Variants in SGK3 observed in about 807,000 individuals in gnomAD.
SGK3 encodes serum/glucocorticoid regulated kinase family member 3, also known as serine/threonine-protein kinase Sgk3.
Under a neutral mutation model 68.5 loss-of-function variants are expected in SGK3, and 47 were observed. The observed-to-expected ratio is 0.69, with a 90% CI of 0.54 to 0.87. The LOEUF (loss-of-function observed/expected upper bound fraction) is 0.87. SGK3 is among the 40% of genes least tolerant of loss of function. SGK3 has a pLI of 0.00. For synonymous variants in SGK3, 181 were observed against 189.1 expected, an observed-to-expected ratio of 0.96 and a Z score of 0.35; for missense variants, 479 against 575.5, an observed-to-expected ratio of 0.83 and a Z score of 1.72.
intron 3 of SGK3, among the ~76,000 whole-genome samples, chr8:66,801,561 T>C (rs1329750741): frequency 6.6e-6 from 1 of 152,136 alleles, no homozygotes; most frequent in African/African-American, 2.4e-5. Context: ...TAAATCCAAC[T>C]GTACCCACCA....
At chr8:66,724,405 G>A (rs1267158428) in intron 1 of SGK3, among the ~76,000 whole-genome samples, 7 of 152,102 alleles carry the variant, frequency 4.6e-5, no homozygotes, top group Non-Finnish European at 7.4e-5. Flanking sequence ...GTAAAACCTC[G>A]TCTCTACTAA....
Position 66,843,465 on chromosome 8 carries a change from A to T in SGK3, c.992A>T (p.Glu331Val). ...TGTTTTCTATAGTATCTTGCACCTG[A>T]AGTAATTAGAAAACAGCCCTATGAC... is the stretch of plus-strand genomic sequence containing the variant. ...FCGTPEYLAP[E>V]VIRKQPYDNT... Residue 331 changes from glutamate (E) to valine (V), a missense_variant, in exon 14 of 17, where the codon GAA (glutamate) becomes GTA (valine). Transcript: ENST00000521198. The T allele has an allele frequency of 6.2e-7, 1 of 1,613,432 alleles. No homozygotes were observed. The highest frequency in any genetic ancestry group is 8.5e-7 in the Non-Finnish European group (1 of 1,179,890).
At position 66,839,910 on chromosome 8, in the gene SGK3, C is replaced by T. The variant is rs200609487; in HGVS notation, c.742-93C>T. The T allele has an allele frequency of 4.9e-5, 59 of 1,196,934 alleles. No homozygotes were observed. In the East Asian group the frequency reaches 1.5e-3, roughly 30 times the overall value. The allele number at this position is 1,196,934 out of a possible 1,614,324, so 74.1% of individuals were successfully genotyped here. On this transcript the variant is annotated intron_variant, in intron 10 of 16. Transcript: ENST00000521198. The stretch of plus-strand genomic sequence containing the variant: ...CATTCAAAGTAACAAAGAACAATTC[C>T]TACCTTTGTATTTACCGAATATATT...
At position 66,736,245 on chromosome 8, in the gene SGK3, C is replaced by A. The variant is rs143691909; in HGVS notation, c.-122+23412C>A. On this transcript the variant is annotated intron_variant, in intron 1 of 16. Transcript: ENST00000521198. Reference sequence around the variant, plus strand: ...TCTATATCTGAGGATTCTGCATATGCAGATTAAAAATATTTTTAAAAATTA... The same window carrying A: ...TCTATATCTGAGGATTCTGCATATGAAGATTAAAAATATTTTTAAAAATTA... Among the ~76,000 whole-genome samples the A allele has an allele frequency of 8.9e-3, 1,350 of 151,924 alleles. 15 individuals carry two copies. The highest frequency in any genetic ancestry group is 0.031 in the African/African-American group (1,265 of 41,416).
At chr8:66,744,512 TATATA>T (rs1226281685) in intron 1 of SGK3, among the ~76,000 whole-genome samples, 314 of 31,388 alleles carry the variant, frequency 0.01, 2 homozygotes, top group Non-Finnish European at 0.012. Flanking sequence ...TATATATATA[TATATA>T]TATTTTTTTT....
chr8:66,725,824 T>C (rs904262787), intron 1 of SGK3, among the ~76,000 whole-genome samples: 6 of 152,136 alleles, frequency 3.9e-5, no homozygotes, highest in African/African-American at 1.2e-4. Flanking sequence ...GCTGGCTTAT[T>C]GGAAGAACCA....
At chr8:66,738,317 A>T (rs1163763606) in intron 1 of SGK3, among the ~76,000 whole-genome samples, 1 of 152,140 alleles carries the variant, frequency 6.6e-6, no homozygotes, top group South Asian at 2.1e-4. Context: ...CTCTTAAATG[A>T]TATCTCTATA....
intron 1 of SGK3, among the ~76,000 whole-genome samples, chr8:66,750,942 G>C (rs1805795411): frequency 6.6e-6 from 1 of 151,372 alleles, no homozygotes; most frequent in South Asian, 2.1e-4. Context: ...AGGAGGCAGA[G>C]GTTTCCGTGA....
At chr8:66,779,121 G>A (rs1207387837) in intron 1 of SGK3, among the ~76,000 whole-genome samples, 2 of 152,046 alleles carry the variant, frequency 1.3e-5, no homozygotes, top group Non-Finnish European at 2.9e-5. Flanking sequence ...GTGGAGAAAG[G>A]TATATATGCC....
At chr8:66,821,368 G>A (rs1040035801) in intron 5 of SGK3, among the ~76,000 whole-genome samples, 3 of 151,718 alleles carry the variant, frequency 2.0e-5, no homozygotes, top group Non-Finnish European at 4.4e-5. Context: ...CTTGCTTCTC[G>A]CTGTTGACTG....
chr8:66,800,140 G>A (rs1807869073), intron 3 of SGK3, among the ~76,000 whole-genome samples: 2 of 151,918 alleles, frequency 1.3e-5, no homozygotes, highest in South Asian at 4.1e-4. Flanking sequence ...AGGAGATCGA[G>A]ACCATCCTGG....
In SGK3 at chr8:66,723,089, TCATATATATATATATATATATA is replaced by T. The variant is rs1804845224; in HGVS notation, c.-122+10257_-122+10278del. ...TAAACATTCAGAAGTAAGATTTTGT[TCATATATATATATATATATATA>T]TATATATATATATATATATATTTTT... is the stretch of plus-strand genomic sequence containing the variant. On this transcript the variant is annotated intron_variant, in intron 1 of 16. Transcript: ENST00000521198. 7.0e-5 allele frequency among the ~76,000 whole-genome samples: 4 copies of T among 57,502 alleles called. 1 individual carries two copies. The highest frequency in any genetic ancestry group is 2.5e-4 in the African/African-American group (4 of 16,006). The allele number at this position is 57,502 out of a possible 152,430, so 37.7% of individuals were successfully genotyped here.
At chr8:66,808,247 G>T (rs1163601312) in intron 4 of SGK3, among the ~76,000 whole-genome samples, 2 of 152,146 alleles carry the variant, frequency 1.3e-5, no homozygotes, top group Admixed American at 1.3e-4. Context: ...TAACAAAGCA[G>T]CCTCTAACAA....
intron 14 of SGK3, 30 bp from the exon 15 acceptor site, chr8:66,847,160 CACT>C: frequency 6.3e-7 from 1 of 1,583,838 alleles, no homozygotes; most frequent in Non-Finnish European, 8.5e-7. Flanking sequence ...ATTTGTTTAC[CACT>C]AAGTTTATTT....
At chr8:66,810,169 T>A (rs565983035) in intron 4 of SGK3, among the ~76,000 whole-genome samples, 1 of 152,202 alleles carries the variant, frequency 6.6e-6, no homozygotes, top group South Asian at 2.1e-4. Flanking sequence ...ATGGCTTTAC[T>A]GTTTTTTTAA....
At chr8:66,793,941 C>A in intron 2 of SGK3, 109 bp downstream of exon 2, 2 of 1,081,176 alleles carry the variant, frequency 1.8e-6, no homozygotes, top group South Asian at 1.5e-5. Context: ...CTCCACATAC[C>A]TAGATTTTAC....
Position 66,861,815 on chromosome 8 carries a change from GT to G in SGK3, c.*2239del, listed in dbSNP as rs1398579861. 6.6e-6 allele frequency: 1 copy of G among 151,972 alleles called. No homozygotes were observed. The highest frequency in any genetic ancestry group is 1.5e-5 in the Non-Finnish European group (1 of 67,986). The allele number at this position is 151,972 out of a possible 1,614,324, so 9.4% of individuals were successfully genotyped here. The stretch of plus-strand genomic sequence containing the variant: ...TTTATTTGGCACTACTGTAAGTTTT[GT>G]TTTTCACAAAGCTCTTATTATGAAG... On this transcript the variant is annotated 3_prime_UTR_variant, in exon 17 of 17. Transcript: ENST00000521198.
At chr8:66,723,131 A>ATTTTTTTTTTT (rs1177940065) in intron 1 of SGK3, among the ~76,000 whole-genome samples, 1 of 29,496 alleles carries the variant, frequency 3.4e-5, no homozygotes, top group African/African-American at 1.2e-4. Flanking sequence ...ATATATATAT[A>ATTTTTTTTTTT]TTTTTTTTTT....
intron 4 of SGK3, among the ~76,000 whole-genome samples, chr8:66,807,128 A>G (rs923281105): frequency 2.6e-5 from 4 of 152,214 alleles, no homozygotes; most frequent in Admixed American, 1.3e-4. Flanking sequence ...TGAGCAATGT[A>G]CAAGAACTCC....
Sources: gnomAD v4.1 joint callset for allele counts (sites outside exome capture counted in the v4.1 genomes callset) on GRCh38, gnomAD v4.1.1 for gene constraint, MANE v1.5 for transcripts, NCBI Gene and HGNC (gene_info 2026-07-23, HGNC 2026-07-21) for gene names.